INTS4: variants seen among roughly 807,000 people sequenced by gnomAD.
INTS4 encodes MSTP093.
INTS4 carries 70 observed loss-of-function variants against 119.5 expected under a neutral mutation model. The ratio of observed to expected loss-of-function variants is 0.59; its 90% CI spans 0.48 to 0.71. INTS4 has a LOEUF of 0.71. INTS4 is among the 30% of genes least tolerant of loss of function. The probability of loss-of-function intolerance (pLI) is 0.00; values close to 1 mark genes in which losing one functional copy is unlikely to be tolerated. For missense variants in INTS4, 867 were observed against 1,173.2 expected, an observed-to-expected ratio of 0.74 and a Z score of 3.81; for synonymous variants, 316 against 419.6, an observed-to-expected ratio of 0.75 and a Z score of 3.02.
intron 3 of INTS4, among the ~76,000 whole-genome samples, chr11:77,979,873 G>C (rs751737977): frequency 1.3e-5 from 2 of 151,016 alleles, no homozygotes; most frequent in Non-Finnish European, 3.0e-5. Flanking sequence ...AGCTACTCAG[G>C]AGGCTGAGGC....
intron 10 of INTS4, among the ~76,000 whole-genome samples, chr11:77,934,380 T>G: frequency 8.2e-6 from 1 of 121,832 alleles, no homozygotes; most frequent in African/African-American, 3.3e-5. Flanking sequence ...CACCCAAGAA[T>G]GATCAATAAA....
intron 10 of INTS4, among the ~76,000 whole-genome samples, chr11:77,936,096 T>C (rs1444149930): frequency 6.6e-6 from 1 of 151,730 alleles, no homozygotes; most frequent in Admixed American, 6.6e-5. Flanking sequence ...CAGTATCCAA[T>C]AAAGTGAAAT....
chr11:77,875,700 T>C (rs994831556), downstream of INTS4, among the ~76,000 whole-genome samples: 3 of 152,112 alleles, frequency 2.0e-5, no homozygotes, highest in African/African-American at 7.2e-5. Flanking sequence ...GAATATAGTA[T>C]AGGAGGCTGT....
chr11:77,895,305 A>C (rs1952461582), intron 18 of INTS4, among the ~76,000 whole-genome samples: 1 of 152,154 alleles, frequency 6.6e-6, no homozygotes, highest in Non-Finnish European at 1.5e-5. Context: ...AGATAAAACA[A>C]ATACTCTTTC....
intron 4 of INTS4, chr11:77,977,956 C>T (rs1271963397): frequency 6.6e-6 from 1 of 151,772 alleles, no homozygotes; most frequent in Non-Finnish European, 1.5e-5. Flanking sequence ...GTGGCTCAAT[C>T]TCCACTCACA....
chr11:77,968,092 T>C (rs2136607151), intron 4 of INTS4, among the ~76,000 whole-genome samples: 1 of 152,246 alleles, frequency 6.6e-6, no homozygotes, highest in East Asian at 1.9e-4. Context: ...AGTATTTGTG[T>C]ATCTAAACAT....
intron 18 of INTS4, among the ~76,000 whole-genome samples, chr11:77,894,906 T>C (rs1197727992): frequency 6.6e-6 from 1 of 152,240 alleles, no homozygotes; most frequent in Admixed American, 6.5e-5. Context: ...CTGGTCTACA[T>C]GCAATTTACT....
intron 10 of INTS4, among the ~76,000 whole-genome samples, chr11:77,933,723 C>T (rs1014108827): frequency 5.3e-5 from 8 of 151,638 alleles, no homozygotes; most frequent in African/African-American, 1.9e-4. Context: ...CCCTGCCGCC[C>T]CCTATGAGAA....
chr11:77,981,952 G>A (rs1023056078), intron 2 of INTS4, among the ~76,000 whole-genome samples: 4 of 151,788 alleles, frequency 2.6e-5, no homozygotes, highest in African/African-American at 7.3e-5. Context: ...AATAAAAAAC[G>A]TGCCACTGGC....
intron 1 of INTS4, among the ~76,000 whole-genome samples, chr11:77,992,479 T>A (rs1427658461): frequency 6.6e-6 from 1 of 152,084 alleles, no homozygotes; most frequent in Non-Finnish European, 1.5e-5. Flanking sequence ...GGCAGGAGGA[T>A]CCCTTGAGCC....
At chr11:77,943,481 A>T (rs1383693989) in intron 8 of INTS4, among the ~76,000 whole-genome samples, 3 of 152,204 alleles carry the variant, frequency 2.0e-5, no homozygotes, top group Non-Finnish European at 4.4e-5. Context: ...ACTATTCCCA[A>T]ATTCCTCTGG....
chr11:77,933,818 G>T (rs1953723518), intron 10 of INTS4, among the ~76,000 whole-genome samples: 1 of 151,344 alleles, frequency 6.6e-6, no homozygotes, highest in Non-Finnish European at 1.5e-5. Context: ...GGGAGGTGGG[G>T]GGCGCCTCTG....
chr11:77,878,218 A>C (rs192000444), downstream of INTS4, among the ~76,000 whole-genome samples: 100 of 152,030 alleles, frequency 6.6e-4, no homozygotes, highest in Middle Eastern at 3.4e-3. Context: ...AAAAATTAGC[A>C]AGGCGTGGTG....
chr11:77,899,243 C>G (rs190059938), intron 18 of INTS4, among the ~76,000 whole-genome samples: 1 of 151,818 alleles, frequency 6.6e-6, no homozygotes, highest in African/African-American at 2.4e-5. Context: ...GCCCTCTTAA[C>G]CAGTATGTTC....
chr11:77,963,105 A>G (rs1855318185), intron 4 of INTS4, among the ~76,000 whole-genome samples: 1 of 152,066 alleles, frequency 6.6e-6, no homozygotes, highest in Non-Finnish European at 1.5e-5. Context: ...TGTTGATTGC[A>G]CCTCTGTTAC....
chr11:77,919,066 C>T (rs1004111471), intron 14 of INTS4, 88 bp from the exon 15 acceptor site: 7 of 1,404,682 alleles, frequency 5.0e-6, no homozygotes, highest in African/African-American at 2.9e-5. Context: ...ACATTAAAAA[C>T]GTGAGCTAAA....
At chr11:77,938,144 G>T (rs1187127513) in intron 10 of INTS4, among the ~76,000 whole-genome samples, 1 of 151,804 alleles carries the variant, frequency 6.6e-6, no homozygotes, top group Non-Finnish European at 1.5e-5. Context: ...ACCACGCCTG[G>T]CCCAAAAATA....
At chr11:77,937,730 T>G (rs1419222569) in intron 10 of INTS4, among the ~76,000 whole-genome samples, 1 of 152,050 alleles carries the variant, frequency 6.6e-6, no homozygotes, top group African/African-American at 2.4e-5. Context: ...GGTGTCAGAG[T>G]GAGACCCTGT....
chr11:77,968,344 A>G (rs1018165730), intron 4 of INTS4, among the ~76,000 whole-genome samples: 2 of 152,346 alleles, frequency 1.3e-5, no homozygotes, highest in Admixed American at 6.5e-5. Flanking sequence ...ACATGTTACA[A>G]TGTGGATGAA....
Sources: gnomAD v4.1 joint callset for allele counts (sites outside exome capture counted in the v4.1 genomes callset) on GRCh38, gnomAD v4.1.1 for gene constraint, MANE v1.5 for transcripts, NCBI Gene and HGNC (gene_info 2026-07-23, HGNC 2026-07-21) for gene names.